TYW3: variants seen among roughly 807,000 people sequenced by gnomAD.
The protein encoded by TYW3 is tRNA wybutosine-synthesizing protein 3 homolog.
TYW3 carries 26 observed loss-of-function variants against 23.1 expected under a neutral mutation model. That is an observed-to-expected ratio of 1.13 (90% CI 0.83 to 1.56). The LOEUF (loss-of-function observed/expected upper bound fraction) is 1.56, where lower values mean the gene tolerates loss of function less well. Ranked by LOEUF, TYW3 falls within the 40% of genes most tolerant of loss-of-function variation. TYW3 has a pLI of 0.00. For synonymous variants in TYW3, 102 were observed against 105.7 expected, an observed-to-expected ratio of 0.97 and a Z score of 0.21; for missense variants, 316 against 311.9, an observed-to-expected ratio of 1.01 and a Z score of -0.10.
Position 74,733,438 on chromosome 1 carries a change from G to C in TYW3, c.174+20G>C. The C allele has an allele frequency of 6.2e-7, 1 of 1,612,946 alleles. No homozygotes were observed. Among genetic ancestry groups the C allele is most frequent in the South Asian group, 1.1e-5 (1 of 90,958 alleles). ...GACCGGGTGAGGCCCCTTTGCGCCT[G>C]TCCATCGCCTGCCTTCTAGTGCGAA... is the stretch of plus-strand genomic sequence containing the variant. On this transcript the variant is annotated intron_variant, in intron 1 of 5. Coordinates refer to ENST00000370867, the MANE Select transcript of TYW3 (RefSeq NM_138467.3).
chr1:74,759,374 CTTTT>C (rs573044759), intron 5 of TYW3, among the ~76,000 whole-genome samples: 1 of 135,126 alleles, frequency 7.4e-6, no homozygotes. Context: ...CTTTTCTTTT[CTTTT>C]TTTTTTTTTT....
intron 3 of TYW3, among the ~76,000 whole-genome samples, chr1:74,745,943 A>G (rs1173206073): frequency 6.6e-6 from 1 of 152,154 alleles, no homozygotes; most frequent in East Asian, 1.9e-4. Context: ...TTGTAAGGAC[A>G]CCAGTCCTGT....
At chr1:74,739,669 C>A (rs1028505450) in intron 3 of TYW3, among the ~76,000 whole-genome samples, 3 of 152,172 alleles carry the variant, frequency 2.0e-5, no homozygotes, top group Non-Finnish European at 4.4e-5. Flanking sequence ...GAATTTCTTT[C>A]TGAGTTCAGG....
At chr1:74,740,147 G>A (rs1570053466) in intron 3 of TYW3, among the ~76,000 whole-genome samples, 1 of 152,212 alleles carries the variant, frequency 6.6e-6, no homozygotes, top group East Asian at 1.9e-4. Context: ...TCCGGAGTTT[G>A]TTCCTTCAGA....
At chr1:74,745,441 A>G (rs781197184) in intron 3 of TYW3, among the ~76,000 whole-genome samples, 1 of 151,900 alleles carries the variant, frequency 6.6e-6, no homozygotes, top group Non-Finnish European at 1.5e-5. Context: ...TGCATCTACA[A>G]TCCTTTAGCT....
chr1:74,748,263 C>CTAA (rs1648657361), intron 3 of TYW3, among the ~76,000 whole-genome samples: 1 of 152,182 alleles, frequency 6.6e-6, no homozygotes. Context: ...GGCTCTCTGA[C>CTAA]ATTTAGAGAC....
chr1:74,749,912 C>T (rs1648717709), intron 4 of TYW3, among the ~76,000 whole-genome samples: 1 of 152,042 alleles, frequency 6.6e-6, no homozygotes. Flanking sequence ...GCAGAGATCA[C>T]GCCACTGCGC....
At chr1:74,757,384 C>T (rs1253414875) in intron 5 of TYW3, among the ~76,000 whole-genome samples, 1 of 152,234 alleles carries the variant, frequency 6.6e-6, no homozygotes, top group Non-Finnish European at 1.5e-5. Flanking sequence ...CTATGGGAAC[C>T]CACCTCTTGC....
chr1:74,754,354 C>T (rs61790740), intron 5 of TYW3, among the ~76,000 whole-genome samples: 6,848 of 152,148 alleles, frequency 0.045, 178 homozygotes, highest in Non-Finnish European at 0.058. Flanking sequence ...TTAAGAGCCA[C>T]GCTTATCATA....
In TYW3 at chr1:74,736,601, A is replaced by T; in HGVS notation, c.234A>T (p.Lys78Asn). 1 of 1,603,250 alleles carries T rather than the reference A, an allele frequency of 6.2e-7. No homozygotes were observed. Among genetic ancestry groups the T allele is most frequent in the Middle Eastern group, 1.7e-4 (1 of 6,024 alleles). ...QNCCWLLVTH[K>N]LCVKDDVIVA... The stretch of plus-strand genomic sequence containing the variant: ...GTTGCTGGCTACTGGTTACACACAA[A>T]CTTTGTGTAAAAGATGATGTGGTAA... The change falls in exon 2 of 6, where the codon AAA (lysine) becomes AAT (asparagine). Residue 78 changes from lysine (K) to asparagine (N), a missense_variant. Coordinates refer to ENST00000370867, the MANE Select transcript of TYW3 (RefSeq NM_138467.3).
At chr1:74,750,205 C>G (rs935190086) in intron 4 of TYW3, 14 of 152,172 alleles carry the variant, frequency 9.2e-5, no homozygotes, top group African/African-American at 3.4e-4. Context: ...CCCGACTAGT[C>G]TTCTTACTTT....
At chr1:74,747,700 CAT>C (rs1156460444) in intron 3 of TYW3, among the ~76,000 whole-genome samples, 6 of 149,964 alleles carry the variant, frequency 4.0e-5, no homozygotes, top group Non-Finnish European at 8.9e-5. Context: ...AGTATGTATA[CAT>C]ATGTGTGTGT....
At chr1:74,747,775 GTA>G (rs141808339) in intron 3 of TYW3, among the ~76,000 whole-genome samples, 4,692 of 151,466 alleles carry the variant, frequency 0.031, 251 homozygotes, top group African/African-American at 0.11. Flanking sequence ...GTATATGTGT[GTA>G]TATGTATACA....
chr1:74,754,839 A>T (rs1006819347), intron 5 of TYW3, among the ~76,000 whole-genome samples: 7 of 152,130 alleles, frequency 4.6e-5, no homozygotes, highest in Non-Finnish European at 8.8e-5. Context: ...ACTGCTTTAT[A>T]AACAGCTAAT....
At chr1:74,747,444 C>T (rs935920331) in intron 3 of TYW3, among the ~76,000 whole-genome samples, 9 of 151,348 alleles carry the variant, frequency 5.9e-5, no homozygotes, top group East Asian at 5.8e-4. Context: ...GAGACCATCC[C>T]GGCTAAAACA....
chr1:74,763,571 T>A (rs370582543), intron 5 of TYW3, among the ~76,000 whole-genome samples: 1 of 152,096 alleles, frequency 6.6e-6, no homozygotes, highest in Non-Finnish European at 1.5e-5. Context: ...TCACACATTA[T>A]ACAAATTACC....
intron 5 of TYW3, among the ~76,000 whole-genome samples, chr1:74,762,194 G>A (rs1173721240): frequency 6.6e-6 from 1 of 152,118 alleles, no homozygotes; most frequent in Non-Finnish European, 1.5e-5. Context: ...TACTCATCAT[G>A]TTGTATATGT....
chr1:74,750,796 G>A (rs1343857431), intron 4 of TYW3, among the ~76,000 whole-genome samples: 1 of 120,210 alleles, frequency 8.3e-6, no homozygotes, highest in Non-Finnish European at 1.7e-5. Flanking sequence ...TCTCTCCCCC[G>A]CTCCTTTTTT....
At chr1:74,756,063 T>C (rs1648944432) in intron 5 of TYW3, among the ~76,000 whole-genome samples, 2 of 152,194 alleles carry the variant, frequency 1.3e-5, no homozygotes, top group Admixed American at 6.5e-5. Flanking sequence ...CCTTTCACCT[T>C]CCACCATGAT....
Sources: allele counts gnomAD v4.1 joint callset (sites outside exome capture counted in the v4.1 genomes callset), GRCh38; gene constraint gnomAD v4.1.1; transcripts MANE v1.5; gene names NCBI Gene and HGNC (gene_info 2026-07-23, HGNC 2026-07-21).